CSMD3: variants seen among roughly 807,000 people sequenced by gnomAD.
CSMD3 encodes CUB and sushi domain-containing protein 3.
A neutral mutation model predicts 435.2 loss-of-function variants in CSMD3; 177 were observed. The ratio of observed to expected loss-of-function variants is 0.41; its 90% CI spans 0.36 to 0.46. CSMD3 has a LOEUF of 0.46. Ranked by LOEUF, CSMD3 falls within the 20% of genes least tolerant of loss-of-function variation. CSMD3 has a pLI of 0.34. For synonymous variants in CSMD3, 1,656 were observed against 1,520.5 expected (o/e 1.09, Z -2.07); for missense variants, 4,265 against 4,504.6 (o/e 0.95, Z 1.52).
rs866693907 is a variant in CSMD3 at position 112,298,867 on chromosome 8, G to T, written c.8441-2861C>A. Among the ~76,000 whole-genome samples, 4 of 152,136 alleles carry T rather than the reference G, an allele frequency of 2.6e-5. No homozygotes were observed. In the South Asian group the frequency reaches 8.3e-4, roughly 31 times the overall value. ...CTCTCCCACATGTATTCTGTTGTGA[G>T]TATTCAAGAGAAATGAATGCGTATG... On this transcript the variant is annotated intron_variant, in intron 53 of 70. Coordinates refer to ENST00000297405, the MANE Select transcript of CSMD3 (RefSeq NM_198123.2).
chr8:112,851,950 T>A (rs770385065), intron 11 of CSMD3, among the ~76,000 whole-genome samples: 2 of 151,988 alleles, frequency 1.3e-5, no homozygotes, highest in Non-Finnish European at 2.9e-5. Flanking sequence ...TAGATGGCAG[T>A]AAAGGAAGAG....
chr8:112,337,729 A>G lies in CSMD3; in HGVS notation c.6655T>C (p.Tyr2219His), dbSNP rs1457238199. ...KQGFHIVYQA[Y>H]QLQSCPDPRP... ...GGATCAGGACAGCTTTGCAACTGAT[A>G]GGCTGGAAAGAGGAAAAAGAAAGAC... The change falls in exon 43 of 71, where the codon TAT (tyrosine) becomes CAT (histidine). Residue 2219 changes from tyrosine to histidine, a missense_variant and splice_region_variant. Transcript: ENST00000297405. 6.2e-7 allele frequency: 1 copy of G among 1,607,756 alleles called. No homozygotes were observed. Among genetic ancestry groups the G allele is most frequent in the Non-Finnish European group, 8.5e-7 (1 of 1,175,560 alleles).
intron 32 of CSMD3, among the ~76,000 whole-genome samples, chr8:112,448,651 G>A (rs764450920): frequency 6.6e-6 from 1 of 151,298 alleles, no homozygotes; most frequent in Non-Finnish European, 1.5e-5. Context: ...TCAAAACTGT[G>A]AGAGATTACA....
At chr8:113,375,320 TAACA>T (rs906100085) in intron 1 of CSMD3, among the ~76,000 whole-genome samples, 5 of 152,170 alleles carry the variant, frequency 3.3e-5, no homozygotes, top group East Asian at 1.9e-4. Flanking sequence ...ATCAGTCAGT[TAACA>T]AACAGATACC....
chr8:112,625,709 A>G (rs1834423827), intron 22 of CSMD3, among the ~76,000 whole-genome samples: 2 of 152,154 alleles, frequency 1.3e-5, no homozygotes, highest in African/African-American at 4.8e-5. Flanking sequence ...TGGGTACAAT[A>G]CACAGATGTA....
intron 9 of CSMD3, among the ~76,000 whole-genome samples, chr8:112,944,961 T>A (rs2083558986): frequency 6.6e-6 from 1 of 151,724 alleles, no homozygotes; most frequent in African/African-American, 2.4e-5. Flanking sequence ...TATATGCCTA[T>A]GGTTCCCTGA....
At chr8:112,991,756 T>A (rs2131020358) in intron 6 of CSMD3, among the ~76,000 whole-genome samples, 1 of 151,984 alleles carries the variant, frequency 6.6e-6, no homozygotes, top group South Asian at 2.1e-4. Context: ...TAAGCATAAA[T>A]ATTTTATAAT....
At chr8:112,735,455 G>A (rs1170281187) in intron 13 of CSMD3, among the ~76,000 whole-genome samples, 1 of 151,976 alleles carries the variant, frequency 6.6e-6, no homozygotes, top group East Asian at 1.9e-4. Flanking sequence ...TTAATTGAAA[G>A]TATTCTGTAT....
chr8:113,029,139 C>T (rs191009906), intron 5 of CSMD3, among the ~76,000 whole-genome samples: 24 of 151,528 alleles, frequency 1.6e-4, no homozygotes, highest in Non-Finnish European at 2.8e-4. Context: ...TAAATCTACA[C>T]TGCCTGTACT....
chr8:113,034,300 T>C (rs1219653183), intron 5 of CSMD3, among the ~76,000 whole-genome samples: 2 of 150,526 alleles, frequency 1.3e-5, no homozygotes, highest in Non-Finnish European at 1.5e-5. Flanking sequence ...AACAGCCCAA[T>C]TGTTCATCAA....
At position 113,377,102 on chromosome 8, in the gene CSMD3, A is replaced by C. The variant is rs1329357925; in HGVS notation, c.178+59575T>G. ...CGCCAGCTGGCGCTGGACTCCCCCA[A>C]GGGCTGCGGCGTCGTCCGGCTCTCC... On this transcript the variant is annotated intron_variant, in intron 1 of 70. Coordinates refer to ENST00000297405, the MANE Select transcript of CSMD3 (RefSeq NM_198123.2). 1.1e-5 allele frequency: 14 copies of C among 1,276,314 alleles called. No individual in the cohort carries two copies. In the East Asian group the frequency reaches 1.3e-4, roughly 12 times the overall value. The allele number at this position is 1,276,314 out of a possible 1,614,324, so 79.1% of individuals were successfully genotyped here.
At chr8:113,157,861 A>G (rs1371767545) in intron 4 of CSMD3, among the ~76,000 whole-genome samples, 1 of 152,030 alleles carries the variant, frequency 6.6e-6, no homozygotes, top group Non-Finnish European at 1.5e-5. Flanking sequence ...AATTTATGCT[A>G]TTTTCTGAAA....
intron 11 of CSMD3, among the ~76,000 whole-genome samples, chr8:112,846,632 AT>A (rs1004328402): frequency 4.6e-5 from 7 of 151,854 alleles, no homozygotes; most frequent in African/African-American, 1.7e-4. Flanking sequence ...ATGGTCTCAA[AT>A]TCCTGGCCTC....
chr8:113,394,512 C>A (rs1273257899), intron 1 of CSMD3, among the ~76,000 whole-genome samples: 2 of 151,966 alleles, frequency 1.3e-5, no homozygotes, highest in African/African-American at 4.8e-5. Context: ...GGATCACATA[C>A]CAAAGTATCT....
chr8:112,472,378 G>A (rs1198562945), intron 32 of CSMD3, among the ~76,000 whole-genome samples: 3 of 152,038 alleles, frequency 2.0e-5, no homozygotes, highest in African/African-American at 7.2e-5. Flanking sequence ...TTTCATTTTT[G>A]TATTGTTGTT....
At chr8:112,958,340 G>A (rs1021572577) in intron 7 of CSMD3, among the ~76,000 whole-genome samples, 5 of 152,018 alleles carry the variant, frequency 3.3e-5, no homozygotes, top group African/African-American at 1.2e-4. Flanking sequence ...TGTTCAGTTT[G>A]ACTGTTTTTT....
At chr8:112,619,124 A>C (rs566575053) in intron 22 of CSMD3, among the ~76,000 whole-genome samples, 1 of 152,194 alleles carries the variant, frequency 6.6e-6, no homozygotes, top group African/African-American at 2.4e-5. Context: ...TCAACAGCTG[A>C]TAATATTACT....
At chr8:112,380,875 G>C (rs1281752645) in intron 37 of CSMD3, among the ~76,000 whole-genome samples, 1 of 152,122 alleles carries the variant, frequency 6.6e-6, no homozygotes, top group African/African-American at 2.4e-5. Context: ...CTTTCAAAGA[G>C]ATTATTACTC....
intron 3 of CSMD3, among the ~76,000 whole-genome samples, chr8:113,248,171 T>G (rs1588364567): frequency 6.6e-6 from 1 of 152,036 alleles, no homozygotes; most frequent in Non-Finnish European, 1.5e-5. Context: ...GGTGATAATT[T>G]AATGAAGCAT....
Sources: allele counts gnomAD v4.1 joint callset (sites outside exome capture counted in the v4.1 genomes callset), GRCh38; gene constraint gnomAD v4.1.1; transcripts MANE v1.5; gene names NCBI Gene and HGNC (gene_info 2026-07-23, HGNC 2026-07-21).